The following TIMM50 variants were observed in gnomAD, a reference collection of about 807,000 sequenced individuals.
TIMM50 encodes the protein mitochondrial import inner membrane translocase subunit TIM50.
TIMM50 carries 34 observed loss-of-function variants against 49.6 expected under a neutral mutation model. The ratio of observed to expected loss-of-function variants is 0.69; its 90% CI spans 0.52 to 0.91. TIMM50 has a LOEUF of 0.91. Among genes scored for constraint, TIMM50 ranks in the 40% least tolerant of loss-of-function variants. The pLI, the probability that TIMM50 is intolerant of heterozygous loss-of-function variation, is 0.00. For missense variants in TIMM50, 458 were observed against 477.8 expected, an observed-to-expected ratio of 0.96 and a Z score of 0.39; for synonymous variants, 199 against 198.4, an observed-to-expected ratio of 1.00 and a Z score of -0.03.
rs1434584552 is a variant in TIMM50 at position 39,488,057 on chromosome 19, C to G, written c.697-4C>G. On this transcript the variant is annotated splice_region_variant and splice_polypyrimidine_tract_variant and intron_variant, in intron 8 of 10. Transcript: ENST00000607714. ...TGTTGACCTGATCTGTCACTCACTT[C>G]CAGGATATTTCATGTCTGAATCGGG... 4.4e-6 allele frequency: 7 copies of G among 1,607,222 alleles called. No individual in the cohort carries two copies. The highest frequency in any genetic ancestry group is 3.4e-5 in the Admixed American group (2 of 59,688).
At chr19:39,488,239 T>C (rs1442447116) in intron 9 of TIMM50, 22 bp downstream of exon 9, 2 of 1,595,122 alleles carry the variant, frequency 1.3e-6, no homozygotes, top group Non-Finnish European at 1.7e-6. Context: ...CCCTGATCCC[T>C]TGGCCTCTGA....
chr19:39,485,942 C>A, intron 6 of TIMM50, 135 bp downstream of exon 6: 3 of 1,365,168 alleles, frequency 2.2e-6, no homozygotes, highest in Non-Finnish European at 3.0e-6. Context: ...CTTTCTTCAG[C>A]TGGGAGAAGG....
At chr19:39,486,964 G>A (rs577557963) in intron 8 of TIMM50, among the ~76,000 whole-genome samples, 33 of 152,190 alleles carry the variant, frequency 2.2e-4, no homozygotes, top group Non-Finnish European at 7.4e-5. Context: ...TGTCTGTGTC[G>A]TGTCGGGGTG....
In TIMM50 at chr19:39,488,547, C is replaced by T. The variant is rs768075210; in HGVS notation, c.862C>T (p.Leu288=). The T allele has an allele frequency of 6.2e-7, 1 of 1,612,760 alleles. No homozygotes were observed. The highest frequency in any genetic ancestry group is 1.1e-5 in the South Asian group (1 of 91,022). The change falls in exon 10 of 11, where the codon CTG becomes TTG. Residue 288 remains leucine, a synonymous_variant. Transcript: ENST00000607714. ...CCCTGTTGTGCCCACAGCCATTGCA[C>T]TGAATGGTGTGGAGGACGTGCGAAC... ...DLSAFLKTIA[L]NGVEDVRTVL...
At chr19:39,481,009 A>G (rs1259457937) in intron 1 of TIMM50, 48 bp downstream of exon 1, 5 of 1,515,822 alleles carry the variant, frequency 3.3e-6, no homozygotes, top group Non-Finnish European at 4.4e-6. Context: ...CCTTCCCTGG[A>G]GTTACGGACA....
intron 6 of TIMM50, 108 bp from the exon 7 acceptor site, chr19:39,486,077 CAG>C: frequency 1.6e-6 from 2 of 1,223,584 alleles, no homozygotes; most frequent in African/African-American, 1.5e-5. Flanking sequence ...GCCACAGAGA[CAG>C]AGGGAGAGAA....
chr19:39,488,714 CA>C (rs2079524896), intron 10 of TIMM50, 69 bp downstream of exon 10: 1 of 1,249,924 alleles, frequency 8.0e-7, no homozygotes, highest in South Asian at 1.2e-5. Flanking sequence ...TGGGGCAGTC[CA>C]TCTCCACACT....
intron 4 of TIMM50, among the ~76,000 whole-genome samples, chr19:39,484,460 C>G (rs912885754): frequency 6.6e-6 from 1 of 152,062 alleles, no homozygotes; most frequent in African/African-American, 2.4e-5. Context: ...TTCACTTAAA[C>G]CAGGGTTTTT....
chr19:39,483,108 C>A (rs2079483596), intron 3 of TIMM50, 27 bp from the exon 4 acceptor site: 1 of 1,614,014 alleles, frequency 6.2e-7, no homozygotes, highest in Non-Finnish European at 8.5e-7. Flanking sequence ...ACATCCTAAA[C>A]CTTCCATTTT....
rs2079533665 is a variant in TIMM50 at position 39,489,901 on chromosome 19, A to G, written c.*81A>G. On this transcript the variant is annotated 3_prime_UTR_variant, in exon 11 of 11. Coordinates refer to ENST00000607714, the MANE Select transcript of TIMM50 (RefSeq NM_001001563.5). ...CAAGACTTGGGCCACCACTTGTCCA[A>G]TAAAGTACATCCCAGACGCCACACC... 1 of 1,326,326 alleles carries G rather than the reference A, an allele frequency of 7.5e-7. No homozygotes were observed. Among genetic ancestry groups the G allele is most frequent in the South Asian group, 1.3e-5 (1 of 79,564 alleles). The allele number at this position is 1,326,326 out of a possible 1,614,324, so 82.2% of individuals were successfully genotyped here. A position where few individuals can be genotyped will look rare whatever the true frequency, so the allele number is the denominator to read the frequency against.
chr19:39,492,879 A>AAAAAAC lies in TIMM50; in HGVS notation c.*3064_*3065insCAAAAA, dbSNP rs1555752606. The AAAAAAC allele has an allele frequency of 2.1e-4, 30 of 144,614 alleles. 1 individual carries two copies. The highest frequency in any genetic ancestry group is 7.9e-4 in the African/African-American group (29 of 36,580). The allele number at this position is 144,614 out of a possible 1,614,324, so 9.0% of individuals were successfully genotyped here. On this transcript the variant is annotated 3_prime_UTR_variant, in exon 11 of 11. Coordinates refer to ENST00000607714, the MANE Select transcript of TIMM50 (RefSeq NM_001001563.5). ...GAGTAAGGCTCTGTCTCCAAAAAAA[A>AAAAAAC]AAAAAAAAAAAAACAAAAAAAAAAC...
At chr19:39,488,670 G>A (rs2079524578) in intron 10 of TIMM50, 25 bp downstream of exon 10, 3 of 1,597,472 alleles carry the variant, frequency 1.9e-6, no homozygotes, top group Non-Finnish European at 2.6e-6. Flanking sequence ...GCCCAGAGTG[G>A]AGGATCGGCT....
chr19:39,490,020 C>A lies in TIMM50; in HGVS notation c.*200C>A. ...ACAGTGGCTGATCGGCTGCCAAGCA[C>A]AGTGGGGGTGCTTTGTTGGATCAGA... On this transcript the variant is annotated 3_prime_UTR_variant, in exon 11 of 11. Transcript: ENST00000607714. The A allele has an allele frequency of 1.7e-6, 1 of 590,266 alleles. No homozygotes were observed. The allele number at this position is 590,266 out of a possible 1,614,324, so 36.6% of individuals were successfully genotyped here.
In TIMM50 at chr19:39,489,898, C is replaced by T. The variant is rs1600743645; in HGVS notation, c.*78C>T. ...GACCAAGACTTGGGCCACCACTTGTCCAATAAAGTACATCCCAGACGCCAC... is the reference window on the plus strand; with the variant it reads ...GACCAAGACTTGGGCCACCACTTGTTCAATAAAGTACATCCCAGACGCCAC... On this transcript the variant is annotated 3_prime_UTR_variant, in exon 11 of 11. Coordinates refer to ENST00000607714, the MANE Select transcript of TIMM50 (RefSeq NM_001001563.5). 1.5e-6 allele frequency: 2 copies of T among 1,354,912 alleles called. No homozygotes were observed. Among genetic ancestry groups the T allele is most frequent in the Non-Finnish European group, 2.1e-6 (2 of 967,450 alleles). 83.9% of individuals were successfully genotyped at this position (1,354,912 alleles called of 1,614,324 possible). A position where few individuals can be genotyped will look rare whatever the true frequency, so the allele number is the denominator to read the frequency against.
chr19:39,484,548 C>T lies in TIMM50; in HGVS notation c.314-996C>T, dbSNP rs1053964781. 1.4e-4 allele frequency among the ~76,000 whole-genome samples: 22 copies of T among 152,106 alleles called. No homozygotes were observed. The East Asian group carries it at 3.1e-3, about 21-fold the overall frequency. ...GTGCATTGAAGGATTTTTGCAGCAT[C>T]CTGGGCATCTGCCTACTAGATGCCA... On this transcript the variant is annotated intron_variant, in intron 4 of 10. Transcript: ENST00000607714.
intron 4 of TIMM50, chr19:39,483,385 T>G (rs2079485476): frequency 1.7e-6 from 1 of 586,214 alleles, no homozygotes; most frequent in African/African-American, 1.9e-5. Context: ...GATTGGAGCC[T>G]TGGGTGGGAG....
At chr19:39,487,938 C>A in intron 8 of TIMM50, 123 bp from the exon 9 acceptor site, 1 of 1,416,698 alleles carries the variant, frequency 7.1e-7, no homozygotes, top group Non-Finnish European at 9.4e-7. Context: ...TTTGAGAGGC[C>A]CTGCCATTGT....
chr19:39,481,823 G>C, intron 1 of TIMM50, 60 bp from the exon 2 acceptor site: 4 of 1,569,608 alleles, frequency 2.5e-6, no homozygotes, highest in Non-Finnish European at 3.5e-6. Context: ...TTGGACTGGA[G>C]GGTGGGGACC....
intron 8 of TIMM50, 92 bp from the exon 9 acceptor site, chr19:39,487,969 T>G: frequency 7.6e-7 from 1 of 1,319,176 alleles, no homozygotes; most frequent in Non-Finnish European, 1.0e-6. Flanking sequence ...TGTGTGATGC[T>G]GTGTATGTAT....
Sources: gnomAD v4.1 joint callset for allele counts (sites outside exome capture counted in the v4.1 genomes callset) on GRCh38, gnomAD v4.1.1 for gene constraint, MANE v1.5 for transcripts, NCBI Gene and HGNC (gene_info 2026-07-23, HGNC 2026-07-21) for gene names.